Variants in CATSPERB observed in about 807,000 individuals in gnomAD.
The protein encoded by CATSPERB is catsper channel auxiliary subunit beta.
Under a neutral mutation model 128.3 loss-of-function variants are expected in CATSPERB, and 93 were observed. The ratio of observed to expected loss-of-function variants is 0.72; its 90% confidence interval spans 0.61 to 0.86. CATSPERB has a LOEUF of 0.86. Ranked by LOEUF, CATSPERB falls within the 40% of genes least tolerant of loss-of-function variation. The pLI is 0.00. For synonymous variants in CATSPERB, 381 were observed against 448.8 expected, an observed-to-expected ratio of 0.85 and a Z score of 1.91; for missense variants, 1,153 against 1,329.5, an observed-to-expected ratio of 0.87 and a Z score of 2.06.
At chr14:91,681,517 T>G (rs1259674392) in intron 11 of CATSPERB, among the ~76,000 whole-genome samples, 1 of 152,240 alleles carries the variant, frequency 6.6e-6, no homozygotes, top group East Asian at 1.9e-4. Context: ...GGGAGCAGGT[T>G]GAACCCTTTT....
intron 11 of CATSPERB, among the ~76,000 whole-genome samples, chr14:91,682,194 T>C (rs1435445623): frequency 1.3e-5 from 2 of 152,200 alleles, no homozygotes; most frequent in Non-Finnish European, 2.9e-5. Flanking sequence ...AATTCACCCA[T>C]TTCCCTTTCA....
chr14:91,684,375 G>T (rs142667907), intron 10 of CATSPERB, among the ~76,000 whole-genome samples: 1 of 152,204 alleles, frequency 6.6e-6, no homozygotes, highest in African/African-American at 2.4e-5. Context: ...TTGGTCATGA[G>T]AGACAAGCTT....
intron 19 of CATSPERB, among the ~76,000 whole-genome samples, chr14:91,621,056 G>T (rs1045910737): frequency 6.6e-6 from 1 of 152,178 alleles, no homozygotes; most frequent in Non-Finnish European, 1.5e-5. Flanking sequence ...TTTGTAAAAT[G>T]AGGATTATAA....
intron 15 of CATSPERB, among the ~76,000 whole-genome samples, chr14:91,640,072 G>A (rs1441503548): frequency 1.3e-5 from 2 of 151,990 alleles, no homozygotes; most frequent in Non-Finnish European, 2.9e-5. Context: ...GTAGCTAACT[G>A]CCTTCCAACA....
intron 22 of CATSPERB, among the ~76,000 whole-genome samples, chr14:91,607,692 G>A (rs776143268): frequency 3.9e-5 from 6 of 152,162 alleles, no homozygotes; most frequent in African/African-American, 1.2e-4. Flanking sequence ...ATTCGTGTAC[G>A]TGCACATGTG....
At chr14:91,665,598 G>A (rs555156672) in intron 14 of CATSPERB, among the ~76,000 whole-genome samples, 10 of 152,210 alleles carry the variant, frequency 6.6e-5, no homozygotes, top group East Asian at 3.9e-4. Context: ...GGCTGGGTGT[G>A]GTGGCTTATG....
chr14:91,722,751 A>G (rs1176328942), intron 4 of CATSPERB, among the ~76,000 whole-genome samples: 2 of 152,194 alleles, frequency 1.3e-5, no homozygotes, highest in Non-Finnish European at 2.9e-5. Flanking sequence ...GCAGTTCTGC[A>G]CTGTAAGAAA....
At position 91,625,032 on chromosome 14, in the gene CATSPERB, C is replaced by A. The variant is rs763394458; in HGVS notation, c.1743-25G>T. 4.7e-6 allele frequency: 7 copies of A among 1,489,770 alleles called. No homozygotes were observed. In the East Asian group the frequency reaches 7.0e-5, roughly 15 times the overall value. The allele number at this position is 1,489,770 out of a possible 1,614,324, so 92.3% of individuals were successfully genotyped here. ...CCTAAAAACAAATAAAACCATTAAG[C>A]AATTTGGATAAAACAGTGGATTAAA... is the stretch of plus-strand genomic sequence containing the variant. On this transcript the variant is annotated intron_variant, in intron 17 of 26. Coordinates refer to ENST00000256343, the MANE Select transcript of CATSPERB (RefSeq NM_024764.4).
At chr14:91,593,241 T>C (rs1034561876) in intron 22 of CATSPERB, among the ~76,000 whole-genome samples, 3 of 151,914 alleles carry the variant, frequency 2.0e-5, no homozygotes, top group African/African-American at 7.3e-5. Flanking sequence ...CCACACAGAG[T>C]CCCTACTGGG....
intron 10 of CATSPERB, among the ~76,000 whole-genome samples, chr14:91,687,172 C>A (rs1046598690): frequency 1.3e-5 from 2 of 151,886 alleles, no homozygotes; most frequent in Non-Finnish European, 2.9e-5. Context: ...GGTGAATATA[C>A]AGAGAGGTGG....
In CATSPERB at chr14:91,650,129, C is replaced by T. The variant is rs189959849; in HGVS notation, c.1432+9708G>A. ...CAGAGGGCACTGAAACCATAGTGGT[C>T]AATTGCCTACCCATGCATGTACTTT... On this transcript the variant is annotated intron_variant, in intron 15 of 26. Transcript: ENST00000256343. Among the ~76,000 whole-genome samples the T allele has an allele frequency of 2.0e-5, 3 of 152,260 alleles. No homozygotes were observed. The East Asian group carries it at 5.8e-4, about 29-fold the overall frequency.
At chr14:91,662,202 T>C (rs901727782) in intron 14 of CATSPERB, among the ~76,000 whole-genome samples, 5 of 152,180 alleles carry the variant, frequency 3.3e-5, no homozygotes, top group Non-Finnish European at 4.4e-5. Context: ...CTGAATTTTG[T>C]GTTTTTTCAT....
chr14:91,589,927 T>G (rs557364669), intron 23 of CATSPERB, among the ~76,000 whole-genome samples: 47 of 152,306 alleles, frequency 3.1e-4, no homozygotes, highest in African/African-American at 1.1e-3. Flanking sequence ...ATGATGTCAC[T>G]CAAACTTTTT....
At chr14:91,730,186 GA>G (rs1436899957) in intron 1 of CATSPERB, among the ~76,000 whole-genome samples, 3 of 152,182 alleles carry the variant, frequency 2.0e-5, no homozygotes, top group African/African-American at 7.2e-5. Context: ...GTGATGAAGT[GA>G]AAATGAAGTC....
intron 26 of CATSPERB, among the ~76,000 whole-genome samples, chr14:91,584,222 C>A (rs944490484): frequency 2.0e-5 from 3 of 152,072 alleles, no homozygotes; most frequent in Non-Finnish European, 2.9e-5. Context: ...GCATGCACTA[C>A]CACACCTGGC....
intron 14 of CATSPERB, among the ~76,000 whole-genome samples, chr14:91,667,118 A>G (rs1258651237): frequency 6.6e-6 from 1 of 152,276 alleles, no homozygotes; most frequent in African/African-American, 2.4e-5. Context: ...GGGAAAAAGT[A>G]TAAATGTGTA....
intron 2 of CATSPERB, among the ~76,000 whole-genome samples, chr14:91,727,301 C>G (rs1429357425): frequency 6.6e-6 from 1 of 152,114 alleles, no homozygotes; most frequent in African/African-American, 2.4e-5. Context: ...TCTAGGAGAA[C>G]TGTGTGAATC....
chr14:91,682,451 C>T (rs1895298330), intron 11 of CATSPERB, among the ~76,000 whole-genome samples: 1 of 152,248 alleles, frequency 6.6e-6, no homozygotes, highest in Middle Eastern at 3.4e-3. Flanking sequence ...GGTTACCTCC[C>T]CAGGAATGTA....
intron 15 of CATSPERB, among the ~76,000 whole-genome samples, chr14:91,652,428 A>G (rs1355824295): frequency 6.6e-6 from 1 of 151,554 alleles, no homozygotes; most frequent in African/African-American, 2.4e-5. Context: ...GGAGGCCTAC[A>G]TGGGCAGATC....
Sources: allele counts gnomAD v4.1 joint callset (sites outside exome capture counted in the v4.1 genomes callset), GRCh38; gene constraint gnomAD v4.1.1; transcripts MANE v1.5; gene names NCBI Gene and HGNC (gene_info 2026-07-23, HGNC 2026-07-21).